CPNE4: variants seen among roughly 807,000 people sequenced by gnomAD.
CPNE4 encodes the protein copine-4.
A neutral mutation model predicts 67.9 loss-of-function variants in CPNE4; 25 were observed. The observed-to-expected ratio is 0.37, with a 90% CI of 0.27 to 0.51. The LOEUF (loss-of-function observed/expected upper bound fraction) is 0.51. Among genes scored for constraint, CPNE4 ranks in the 20% least tolerant of loss-of-function variants. The pLI is 0.93. For synonymous variants in CPNE4, 242 were observed against 244.9 expected (o/e 0.99, Z 0.11); for missense variants, 464 against 690.8 (o/e 0.67, Z 3.68).
intron 1 of CPNE4, among the ~76,000 whole-genome samples, chr3:132,034,272 C>A (rs1240595398): frequency 6.6e-6 from 1 of 152,226 alleles, no homozygotes; most frequent in East Asian, 1.9e-4. Context: ...CTATCCCTCA[C>A]CCGTGCCATG....
chr3:131,752,769 C>G (rs1246529969), intron 2 of CPNE4, among the ~76,000 whole-genome samples: 1 of 152,070 alleles, frequency 6.6e-6, no homozygotes, highest in Non-Finnish European at 1.5e-5. Flanking sequence ...GAGATCTATG[C>G]AAATCATACC....
intron 1 of CPNE4, among the ~76,000 whole-genome samples, chr3:131,907,038 G>A (rs980111976): frequency 2.0e-5 from 3 of 151,938 alleles, no homozygotes; most frequent in South Asian, 4.2e-4. Flanking sequence ...CATCAAAAAG[G>A]GGGGGAAGGA....
intron 1 of CPNE4, chr3:131,925,649 C>T (rs1290434100): frequency 1.3e-5 from 2 of 152,180 alleles, no homozygotes; most frequent in African/African-American, 4.8e-5. Flanking sequence ...AGAGAAAATA[C>T]ATCAATGTAT....
At chr3:131,979,182 G>A (rs1215582278) in intron 1 of CPNE4, among the ~76,000 whole-genome samples, 2 of 152,114 alleles carry the variant, frequency 1.3e-5, no homozygotes, top group Non-Finnish European at 2.9e-5. Context: ...TGGATGAAAT[G>A]TTCTGTATAT....
intron 2 of CPNE4, among the ~76,000 whole-genome samples, chr3:131,824,557 A>T (rs1273498123): frequency 6.6e-6 from 1 of 151,772 alleles, no homozygotes; most frequent in Non-Finnish European, 1.5e-5. Context: ...TCGGCGGTCT[A>T]TTGGTCTTTT....
intron 14 of CPNE4, 26 bp downstream of exon 14, chr3:131,549,921 T>A (rs768538940): frequency 1.2e-6 from 2 of 1,611,704 alleles, no homozygotes; most frequent in Non-Finnish European, 1.7e-6. Context: ...AAGCTCCCCT[T>A]AGGAGGCAAA....
chr3:131,865,622 G>T (rs1425128047), intron 2 of CPNE4, among the ~76,000 whole-genome samples: 1 of 151,696 alleles, frequency 6.6e-6, no homozygotes, highest in Non-Finnish European at 1.5e-5. Flanking sequence ...AATATGGGCT[G>T]CATCTTATCC....
chr3:131,914,636 A>AC (rs111809804), intron 1 of CPNE4, among the ~76,000 whole-genome samples: 55,980 of 151,914 alleles, frequency 0.37, 10,540 homozygotes, highest in East Asian at 0.51. Context: ...ATATATTTAT[A>AC]TTTTTGTCCT....
At chr3:131,952,617 T>G (rs1453651318) in intron 1 of CPNE4, among the ~76,000 whole-genome samples, 5 of 110,214 alleles carry the variant, frequency 4.5e-5, no homozygotes, top group Admixed American at 8.8e-5. Flanking sequence ...CGGAGGGAGG[T>G]GGGGGGGTCA....
intron 7 of CPNE4, among the ~76,000 whole-genome samples, chr3:131,609,347 T>G (rs1264254140): frequency 6.6e-6 from 1 of 152,194 alleles, no homozygotes; most frequent in Non-Finnish European, 1.5e-5. Flanking sequence ...GATGGGTGGG[T>G]ACATTTCCTA....
chr3:131,861,363 G>T (rs1182796635), intron 2 of CPNE4, among the ~76,000 whole-genome samples: 2 of 151,534 alleles, frequency 1.3e-5, no homozygotes, highest in African/African-American at 4.9e-5. Flanking sequence ...TTTTGTACAA[G>T]TAGTCATCTT....
intron 1 of CPNE4, among the ~76,000 whole-genome samples, chr3:132,016,304 T>C (rs575308988): frequency 6.6e-6 from 1 of 152,322 alleles, no homozygotes; most frequent in East Asian, 1.9e-4. Context: ...TGGCTTACCC[T>C]AGATCTTACA....
chr3:131,720,797 A>G (rs2081864110), intron 3 of CPNE4, among the ~76,000 whole-genome samples: 1 of 152,028 alleles, frequency 6.6e-6, no homozygotes, highest in African/African-American at 2.4e-5. Flanking sequence ...CCTCTCCACT[A>G]TGGCGTTTCC....
chr3:131,574,910 C>T lies in CPNE4; in HGVS notation c.927+161G>A, dbSNP rs112830078. ...ATTAAAGAAAACAGAAGTGTGAACA[C>T]ATTTCAAAAACACGATACCATACGC... is the stretch of plus-strand genomic sequence containing the variant. On this transcript the variant is annotated intron_variant, in intron 10 of 15. Coordinates refer to ENST00000429747, the MANE Select transcript of CPNE4 (RefSeq NM_130808.3). Among the ~76,000 whole-genome samples, 1,304 of 152,144 alleles carry T rather than the reference C, an allele frequency of 8.6e-3. 19 individuals carry two copies. Among genetic ancestry groups the T allele is most frequent in the African/African-American group, 0.029 (1,190 of 41,530 alleles).
At chr3:131,584,800 GAACTT>G (rs1336302829) in intron 8 of CPNE4, among the ~76,000 whole-genome samples, 9 of 152,144 alleles carry the variant, frequency 5.9e-5, no homozygotes, top group Non-Finnish European at 7.3e-5. Context: ...CATGACTGAG[GAACTT>G]AACTTGTTAT....
chr3:131,571,490 G>A (rs948935470), intron 10 of CPNE4, among the ~76,000 whole-genome samples: 1 of 152,034 alleles, frequency 6.6e-6, no homozygotes, highest in African/African-American at 2.4e-5. Flanking sequence ...TACAGCTGCT[G>A]TTGCCTCGCG....
intron 15 of CPNE4, 45 bp from the exon 16 acceptor site, chr3:131,535,374 G>A: frequency 6.3e-7 from 1 of 1,575,118 alleles, no homozygotes; most frequent in South Asian, 1.2e-5. Flanking sequence ...TCTGGTCAAG[G>A]AATCAGACTC....
chr3:131,663,782 A>G (rs1000895012), intron 7 of CPNE4, among the ~76,000 whole-genome samples: 2 of 152,142 alleles, frequency 1.3e-5, no homozygotes, highest in African/African-American at 4.8e-5. Flanking sequence ...GTGAAATGTC[A>G]TTCAGGGGTT....
chr3:131,917,252 T>C (rs889612909), intron 1 of CPNE4, among the ~76,000 whole-genome samples: 9 of 152,260 alleles, frequency 5.9e-5, no homozygotes, highest in Middle Eastern at 3.4e-3. Context: ...AGTTTCCAAG[T>C]GGGATGACAT....
Sources: gnomAD v4.1 joint callset for allele counts (sites outside exome capture counted in the v4.1 genomes callset) on GRCh38, gnomAD v4.1.1 for gene constraint, MANE v1.5 for transcripts, NCBI Gene and HGNC (gene_info 2026-07-23, HGNC 2026-07-21) for gene names.